ZFAT: variants seen among roughly 807,000 people sequenced by gnomAD.
ZFAT encodes the protein zinc finger protein ZFAT.
A neutral mutation model predicts 117.7 loss-of-function variants in ZFAT; 64 were observed. The observed-to-expected ratio is 0.54, with a 90% CI of 0.44 to 0.67. ZFAT has a LOEUF of 0.67. ZFAT is among the 30% of genes least tolerant of loss of function. The probability of loss-of-function intolerance (pLI) is 0.00; values close to 1 mark genes in which losing one functional copy is unlikely to be tolerated. For missense variants in ZFAT, 1,433 were observed against 1,584.5 expected (o/e 0.90, Z 1.62); for synonymous variants, 679 against 615.0 (o/e 1.10, Z -1.54).
At chr8:134,735,770 C>G in the ZFAT span, among the ~76,000 whole-genome samples, 5 of 152,254 alleles carry the variant, frequency 3.3e-5, no homozygotes, top group Admixed American at 6.5e-5. Context: ...TTATACTTCA[C>G]TATGACAGTA....
At chr8:134,812,540 G>A in the ZFAT span, among the ~76,000 whole-genome samples, 2 of 152,138 alleles carry the variant, frequency 1.3e-5, no homozygotes. Context: ...AGACCAGCCT[G>A]CCTGGCCAAC....
chr8:134,741,576 CT>C, the ZFAT span, among the ~76,000 whole-genome samples: 1 of 152,170 alleles, frequency 6.6e-6, no homozygotes. Flanking sequence ...CTTCCCAGGA[CT>C]TTTTCCCATG....
chr8:134,745,884 T>A, the ZFAT span, among the ~76,000 whole-genome samples: 1 of 152,184 alleles, frequency 6.6e-6, no homozygotes, highest in East Asian at 1.9e-4. Context: ...CACGCAGCTA[T>A]TTAGTATAGA....
intron 11 of ZFAT, among the ~76,000 whole-genome samples, chr8:134,533,466 C>A (rs986948916): frequency 6.6e-6 from 1 of 152,204 alleles, no homozygotes; most frequent in African/African-American, 2.4e-5. Context: ...GTACGCTATA[C>A]CTTCTACAGC....
At chr8:134,519,985 C>T (rs1820531397) in intron 13 of ZFAT, among the ~76,000 whole-genome samples, 1 of 152,150 alleles carries the variant, frequency 6.6e-6, no homozygotes, top group African/African-American at 2.4e-5. Flanking sequence ...CCACTTGTGC[C>T]TTGCATTCCA....
At chr8:134,756,660 G>A in the ZFAT span, among the ~76,000 whole-genome samples, 1 of 152,184 alleles carries the variant, frequency 6.6e-6, no homozygotes, top group Admixed American at 6.5e-5. Context: ...CAGTGGCAGG[G>A]GCTGCCCCAC....
At chr8:134,581,432 G>A (rs1229383373) in intron 10 of ZFAT, among the ~76,000 whole-genome samples, 1 of 152,144 alleles carries the variant, frequency 6.6e-6, no homozygotes, top group East Asian at 1.9e-4. Flanking sequence ...AGAGAATTGA[G>A]GCTGAAAGAA....
At chr8:134,540,795 T>G (rs1822192192) in intron 11 of ZFAT, among the ~76,000 whole-genome samples, 1 of 152,256 alleles carries the variant, frequency 6.6e-6, no homozygotes, top group South Asian at 2.1e-4. Flanking sequence ...GAAAAAACTC[T>G]AACCTAAAAA....
At chr8:134,516,866 T>TA (rs1820291055) in intron 13 of ZFAT, among the ~76,000 whole-genome samples, 1 of 152,026 alleles carries the variant, frequency 6.6e-6, no homozygotes, top group Non-Finnish European at 1.5e-5. Flanking sequence ...CAAAAAAAAC[T>TA]AAAAAATAAA....
Position 134,640,393 on chromosome 8 carries a change from C to T in ZFAT, c.197-2681G>A, listed in dbSNP as rs186991840. Reference sequence around the variant, plus strand: ...CTTGAGTTTGGCAAACTTACTATTGCGGGGTAGCCAGTGTTTTCTCCACAC... The same window carrying T: ...CTTGAGTTTGGCAAACTTACTATTGTGGGGTAGCCAGTGTTTTCTCCACAC... On this transcript the variant is annotated intron_variant, in intron 2 of 15. Transcript: ENST00000377838. Among the ~76,000 whole-genome samples the T allele has an allele frequency of 3.4e-3, 511 of 152,214 alleles. 1 individual carries two copies. Among genetic ancestry groups the T allele is most frequent in the African/African-American group, 0.012 (480 of 41,510 alleles).
the ZFAT span, chr8:134,792,399 A>T: frequency 2.6e-5 from 4 of 152,200 alleles, no homozygotes; most frequent in African/African-American, 9.6e-5. Flanking sequence ...TTAGCCTTTA[A>T]CTATGCATTT....
At position 134,602,198 on chromosome 8, in the gene ZFAT, G is replaced by C. The variant is rs1328766480; in HGVS notation, c.1521C>G (p.Ile507Met). The C allele has an allele frequency of 6.2e-7, 1 of 1,613,392 alleles. No individual in the cohort carries two copies. The highest frequency in any genetic ancestry group is 1.3e-5 in the African/African-American group (1 of 74,954). ...GCTGGTCCCCCAGAGCTTCTTGCTG[G>C]ATGTCCCCACCAGGTTCCAGGAGGC... ...SFCLLEPGGDIQQEALGDQLQ... is the reference protein window; with the variant it reads ...SFCLLEPGGDMQQEALGDQLQ... The change falls in exon 6 of 16, where the codon ATC becomes ATG. Residue 507 changes from isoleucine to methionine, a missense_variant. This residue lies in a region of ZFAT where 372 missense variants were observed against 355.6 expected (regional missense o/e 1.05). Transcript: ENST00000377838.
At chr8:134,758,609 G>A in the ZFAT span, among the ~76,000 whole-genome samples, 1 of 152,304 alleles carries the variant, frequency 6.6e-6, no homozygotes, top group African/African-American at 2.4e-5. Context: ...ATATAACCAT[G>A]TTCAAGACAG....
chr8:134,640,672 G>A (rs1047959742), intron 2 of ZFAT, among the ~76,000 whole-genome samples: 3 of 152,120 alleles, frequency 2.0e-5, no homozygotes, highest in Admixed American at 6.5e-5. Context: ...AAATAAAATC[G>A]GCCTGAAAGC....
the ZFAT span, among the ~76,000 whole-genome samples, chr8:134,823,345 A>G: frequency 1.1e-4 from 16 of 152,216 alleles, no homozygotes; most frequent in Non-Finnish European, 1.6e-4. Context: ...AAAAGATGAA[A>G]ATGATGCACA....
the ZFAT span, among the ~76,000 whole-genome samples, chr8:134,733,105 T>C: frequency 6.6e-6 from 1 of 152,202 alleles, no homozygotes; most frequent in Non-Finnish European, 1.5e-5. Context: ...ACTCAATTTT[T>C]CTGTAATCCT....
the ZFAT span, among the ~76,000 whole-genome samples, chr8:134,821,704 C>T: frequency 6.6e-6 from 1 of 152,116 alleles, no homozygotes; most frequent in Non-Finnish European, 1.5e-5. Context: ...AGAGGAAATA[C>T]ATTTAGCTCA....
chr8:134,672,365 C>G (rs1269530774), intron 1 of ZFAT, among the ~76,000 whole-genome samples: 1 of 152,110 alleles, frequency 6.6e-6, no homozygotes. Flanking sequence ...AATGAGAACA[C>G]TTGGACACAG....
chr8:134,604,154 GAGTATGTGT>G (rs1160541693), intron 5 of ZFAT, among the ~76,000 whole-genome samples: 1 of 152,172 alleles, frequency 6.6e-6, no homozygotes, highest in Non-Finnish European at 1.5e-5. Flanking sequence ...AATAATTATT[GAGTATGTGT>G]AGTATGATAA....
Sources: gnomAD v4.1 joint callset for allele counts (sites outside exome capture counted in the v4.1 genomes callset) on GRCh38, gnomAD v4.1.1 for gene constraint, gnomAD v4.1.1 regional missense constraint, MANE v1.5 for transcripts, NCBI Gene and HGNC (gene_info 2026-07-23, HGNC 2026-07-21) for gene names.